EBF4: variants seen among roughly 807,000 people sequenced by gnomAD.
EBF4 encodes transcription factor COE4.
Under a neutral mutation model 67.1 loss-of-function variants are expected in EBF4, and 34 were observed. The observed-to-expected ratio is 0.51, with a 90% CI of 0.39 to 0.67. The LOEUF (loss-of-function observed/expected upper bound fraction) is 0.67, where lower values mean the gene tolerates loss of function less well. EBF4 is among the 30% of genes least tolerant of loss of function. EBF4 has a pLI of 0.00. For missense variants in EBF4, 837 were observed against 873.3 expected, an observed-to-expected ratio of 0.96 and a Z score of 0.52; for synonymous variants, 387 against 377.7, an observed-to-expected ratio of 1.02 and a Z score of -0.29.
chr20:2,697,398 A>G (rs2087307814), intron 1 of EBF4, among the ~76,000 whole-genome samples: 1 of 151,976 alleles, frequency 6.6e-6, no homozygotes, highest in Admixed American at 6.6e-5. Flanking sequence ...ACAAAAAATT[A>G]GCCGGGCGTG....
At chr20:2,740,788 T>C (rs2087955681) in intron 6 of EBF4, among the ~76,000 whole-genome samples, 1 of 152,108 alleles carries the variant, frequency 6.6e-6, no homozygotes, top group African/African-American at 2.4e-5. Context: ...CGTCAGCCTA[T>C]CCCATGCAGA....
rs4815543 is a variant in EBF4, at chr20:2,758,293, G to A, written c.1739-616G>A. On this transcript the variant is annotated intron_variant, in intron 15 of 16. Transcript: ENST00000609451. ...GACGTCACATGCCCCAGAATAAGAT[G>A]ACTCTTAAGATGGGCTTATTTGATA... Among the ~76,000 whole-genome samples the A allele has an allele frequency of 2.8e-3, 420 of 152,348 alleles. 8 individuals are homozygous for A. In the East Asian group the frequency reaches 0.043, roughly 16 times the overall value.
chr20:2,751,863 C>T lies in EBF4; in HGVS notation c.1108-59C>T, dbSNP rs2088152028. Reference sequence around the variant, plus strand: ...GGGGGTGAGGAGGGGCTCCCGAGGGCCCCTTGGTCGCCCCCAGGGGCTGCC... The same window carrying T: ...GGGGGTGAGGAGGGGCTCCCGAGGGTCCCTTGGTCGCCCCCAGGGGCTGCC... On this transcript the variant is annotated intron_variant, in intron 11 of 16. Coordinates refer to ENST00000609451, the Ensembl canonical transcript of EBF4. The surrounding 1 kb of genome is among the most constrained non-coding windows in gnomAD (Gnocchi z 5.2). 1 of 1,548,206 alleles carries T rather than the reference C, an allele frequency of 6.5e-7. No homozygotes were observed. Among genetic ancestry groups the T allele is most frequent in the Non-Finnish European group, 8.7e-7 (1 of 1,146,034 alleles).
rs372120048 is a variant in EBF4, at chr20:2,702,423, GTC to G, written c.138-3151_138-3150del. 9.5e-4 allele frequency among the ~76,000 whole-genome samples: 135 copies of G among 142,368 alleles called. 2 individuals are homozygous for G. In the South Asian group the frequency reaches 0.03, roughly 32 times the overall value. 93.4% of individuals were successfully genotyped at this position (142,368 alleles called of 152,430 possible). ...AGCCTGGGTGACAGAGCAAGATCCTGTCTCAAAAAAAAAAAAAAGATACTGGA... is the reference window on the plus strand; with the variant it reads ...AGCCTGGGTGACAGAGCAAGATCCTGTCAAAAAAAAAAAAAAGATACTGGA... On this transcript the variant is annotated intron_variant, in intron 1 of 16. Transcript: ENST00000609451.
chr20:2,749,811 GTGC>G, intron 9 of EBF4, 33 bp from the exon 10 acceptor site: 3 of 1,542,878 alleles, frequency 1.9e-6, no homozygotes, highest in Non-Finnish European at 2.6e-6. Context: ...CCCCTCGCCG[GTGC>G]GGGACCTGCA....
chr20:2,724,052 T>C (rs1005955138), intron 6 of EBF4, among the ~76,000 whole-genome samples: 2 of 152,244 alleles, frequency 1.3e-5, no homozygotes, highest in Non-Finnish European at 2.9e-5. Context: ...TCCTGACTAA[T>C]ATTACAGTTT....
At chr20:2,736,461 T>A (rs561180591) in intron 6 of EBF4, among the ~76,000 whole-genome samples, 1 of 152,264 alleles carries the variant, frequency 6.6e-6, no homozygotes, top group East Asian at 1.9e-4. Context: ...CCCTTCCTAA[T>A]CCACTGGTCA....
At chr20:2,741,749 C>T (rs1002187646) in intron 6 of EBF4, among the ~76,000 whole-genome samples, 8 of 152,184 alleles carry the variant, frequency 5.3e-5, no homozygotes, top group Admixed American at 5.2e-4. Flanking sequence ...TTAGATACTT[C>T]ATTAGTTGGA....
intron 1 of EBF4, among the ~76,000 whole-genome samples, chr20:2,701,657 G>C (rs541422161): frequency 1.7e-4 from 26 of 152,340 alleles, no homozygotes; most frequent in African/African-American, 6.3e-4. Context: ...GGGAGATTCC[G>C]TTATTTCTCA....
At chr20:2,695,454 ACTCCCCACATT>A (rs2087275221) in intron 1 of EBF4, among the ~76,000 whole-genome samples, 3 of 150,970 alleles carry the variant, frequency 2.0e-5, no homozygotes, top group African/African-American at 7.3e-5. Context: ...GTCCAGTCTG[ACTCCCCACATT>A]GTGAGGGCCA....
intron 1 of EBF4, among the ~76,000 whole-genome samples, chr20:2,704,353 T>G (rs1227484857): frequency 6.6e-6 from 1 of 152,056 alleles, no homozygotes; most frequent in Admixed American, 6.6e-5. Context: ...AAAGGGAGGC[T>G]CTGGAGCCAT....
intron 6 of EBF4, among the ~76,000 whole-genome samples, chr20:2,710,413 G>T (rs1403566264): frequency 6.6e-6 from 1 of 152,154 alleles, no homozygotes; most frequent in African/African-American, 2.4e-5. Flanking sequence ...ACCTTCCAAA[G>T]TGCTGGGATT....
At position 2,749,983 on chromosome 20, in the gene EBF4, CGG is replaced by C; in HGVS notation, c.1018+12_1018+13del. On this transcript the variant is annotated intron_variant, in intron 10 of 16. Coordinates refer to ENST00000609451, the Ensembl canonical transcript of EBF4. ...CGCTTTGTCTACACAGGTAAGGAGT[CGG>C]GCGGGGGAGTGGAGGTCTAAGGTGC... 6.5e-7 allele frequency: 1 copy of C among 1,545,856 alleles called. No homozygotes were observed. Among genetic ancestry groups the C allele is most frequent in the Non-Finnish European group, 8.7e-7 (1 of 1,144,036 alleles).
chr20:2,707,845 T>A lies in EBF4; in HGVS notation c.415-102T>A. On this transcript the variant is annotated intron_variant, in intron 4 of 16. Coordinates refer to ENST00000609451, the Ensembl canonical transcript of EBF4. This position sits in a 1 kb window ranked among gnomAD's most constrained non-coding sequence, Gnocchi z 4.6. ...GCGTGCTCTTCCCTGGGGCAGGGTC[T>A]CCCTGGGCCTAGGCTTGGGAGATGC... 1 of 1,180,956 alleles carries A rather than the reference T, an allele frequency of 8.5e-7. No individual in the cohort carries two copies. The allele number at this position is 1,180,956 out of a possible 1,614,324, so 73.2% of individuals were successfully genotyped here.
intron 6 of EBF4, among the ~76,000 whole-genome samples, chr20:2,728,855 T>C (rs1201060811): frequency 6.6e-6 from 1 of 152,174 alleles, no homozygotes; most frequent in Non-Finnish European, 1.5e-5. Context: ...ATTCCTTCAA[T>C]GGTGGGAATG....
chr20:2,741,535 T>G (rs2087968602), intron 6 of EBF4, among the ~76,000 whole-genome samples: 2 of 152,202 alleles, frequency 1.3e-5, no homozygotes. Flanking sequence ...GTTTGCTTCT[T>G]TGGTAGGAAA....
rs572031605 is a variant in EBF4, at chr20:2,751,536, C to T, written c.1019-164C>T. Among the ~76,000 whole-genome samples, 130 of 152,154 alleles carry T rather than the reference C, an allele frequency of 8.5e-4. No individual in the cohort carries two copies. Among genetic ancestry groups the T allele is most frequent in the African/African-American group, 3.0e-3 (126 of 41,508 alleles). On this transcript the variant is annotated intron_variant, in intron 10 of 16. Coordinates refer to ENST00000609451, the Ensembl canonical transcript of EBF4. The surrounding 1 kb of genome is among the most constrained non-coding windows in gnomAD (Gnocchi z 5.2). ...CTGAAACTTCCCTGAATCTCGCTGC[C>T]GGGGGTGCCTGGAGTTTTCCGGGGG...
At chr20:2,754,006 T>G (rs1309493753) in intron 14 of EBF4, among the ~76,000 whole-genome samples, 1 of 108,684 alleles carries the variant, frequency 9.2e-6, no homozygotes, top group Non-Finnish European at 2.0e-5. Flanking sequence ...TCACATACAC[T>G]GTGGTCAACA....
chr20:2,729,845 C>G (rs2087790920), intron 6 of EBF4, among the ~76,000 whole-genome samples: 1 of 152,216 alleles, frequency 6.6e-6, no homozygotes, highest in African/African-American at 2.4e-5. Context: ...ATTCAATTTC[C>G]TCCCTCACAG....
Sources: gnomAD v4.1 joint callset for allele counts (sites outside exome capture counted in the v4.1 genomes callset) on GRCh38, gnomAD v4.1.1 for gene constraint, Gnocchi (gnomAD v3.1) non-coding constraint, MANE v1.5 for transcripts, NCBI Gene and HGNC (gene_info 2026-07-23, HGNC 2026-07-21) for gene names.